RANBP2: variants seen among roughly 807,000 people sequenced by gnomAD.
RANBP2 encodes RAN binding protein 2.
A neutral mutation model predicts 303.6 loss-of-function variants in RANBP2; 57 were observed. That is an observed-to-expected ratio of 0.19 (90% CI 0.15 to 0.23). The LOEUF is 0.23. RANBP2 is among the 10% of genes least tolerant of loss of function. The probability of loss-of-function intolerance (pLI) is 1.00; values close to 1 mark genes in which losing one functional copy is unlikely to be tolerated. For synonymous variants in RANBP2, 1,167 were observed against 1,301.5 expected, an observed-to-expected ratio of 0.90 and a Z score of 2.23; for missense variants, 3,138 against 3,780.8, an observed-to-expected ratio of 0.83 and a Z score of 4.46.
At chr2:109,612,421 T>C in the RANBP2 span, among the ~76,000 whole-genome samples, 1 of 152,210 alleles carries the variant, frequency 6.6e-6, no homozygotes. Context: ...GGTTGTGATA[T>C]CGTACTATGG....
At chr2:109,029,431 C>A in the RANBP2 span, among the ~76,000 whole-genome samples, 1 of 152,182 alleles carries the variant, frequency 6.6e-6, no homozygotes, top group African/African-American at 2.4e-5. Context: ...GGTGGGAAAC[C>A]ATGATGTGGC....
chr2:109,257,130 C>T, the RANBP2 span, among the ~76,000 whole-genome samples: 1 of 152,206 alleles, frequency 6.6e-6, no homozygotes, highest in Non-Finnish European at 1.5e-5. Flanking sequence ...CTCATGTCCA[C>T]TCTGCAGCCG....
At chr2:108,892,208 CA>C in the RANBP2 span, among the ~76,000 whole-genome samples, 3 of 152,296 alleles carry the variant, frequency 2.0e-5, no homozygotes. Flanking sequence ...GTCCTTCCCA[CA>C]GTCCCAGTGG....
the RANBP2 span, chr2:109,614,132 C>T: frequency 5.0e-6 from 6 of 1,204,866 alleles, no homozygotes; most frequent in Non-Finnish European, 6.2e-6. Context: ...AGAGCTGGGA[C>T]TCCAGGAAGA....
At chr2:109,595,732 G>A in the RANBP2 span, among the ~76,000 whole-genome samples, 3 of 152,194 alleles carry the variant, frequency 2.0e-5, no homozygotes, top group African/African-American at 2.4e-5. Flanking sequence ...AGGAAAAAAC[G>A]AACAGATTAG....
chr2:108,791,253 G>A, the RANBP2 span, among the ~76,000 whole-genome samples: 9 of 152,148 alleles, frequency 5.9e-5, 1 homozygote, highest in South Asian at 1.9e-3. Context: ...TCTTTTTGGA[G>A]ACAACACCTG....
chr2:109,298,085 C>T, the RANBP2 span, among the ~76,000 whole-genome samples: 1 of 152,144 alleles, frequency 6.6e-6, no homozygotes, highest in Non-Finnish European at 1.5e-5. Context: ...GGGATCTGTC[C>T]CACTCAAACC....
chr2:109,226,364 T>C, the RANBP2 span, among the ~76,000 whole-genome samples: 1 of 152,162 alleles, frequency 6.6e-6, no homozygotes, highest in Admixed American at 6.5e-5. Flanking sequence ...CTCAGGAAGG[T>C]CAGCTGTTTC....
chr2:108,793,355 CAAA>C, the RANBP2 span, among the ~76,000 whole-genome samples: 40 of 151,780 alleles, frequency 2.6e-4, no homozygotes, highest in African/African-American at 9.4e-4. Context: ...AAAACAACAA[CAAA>C]AAAACACTGA....
chr2:109,256,859 C>T, the RANBP2 span, among the ~76,000 whole-genome samples: 7 of 152,248 alleles, frequency 4.6e-5, no homozygotes, highest in South Asian at 1.5e-3. Context: ...CTTCCATTGT[C>T]CCGGAGACTA....
At chr2:109,014,645 T>C in the RANBP2 span, among the ~76,000 whole-genome samples, 1,206 of 152,336 alleles carry the variant, frequency 7.9e-3, 19 homozygotes, top group African/African-American at 0.027. Context: ...TTCCCATGCC[T>C]GGAGCCTGTG....
chr2:109,595,746 C>T, the RANBP2 span, among the ~76,000 whole-genome samples: 1 of 152,158 alleles, frequency 6.6e-6, no homozygotes, highest in African/African-American at 2.4e-5. Context: ...AGATTAGAGA[C>T]AATACCTGAG....
chr2:109,472,463 G>A, the RANBP2 span, among the ~76,000 whole-genome samples: 1 of 152,308 alleles, frequency 6.6e-6, no homozygotes, highest in East Asian at 1.9e-4. Context: ...TTCCCGTCAG[G>A]GCTTGGCAAG....
At chr2:109,133,893 G>T in the RANBP2 span, among the ~76,000 whole-genome samples, 12 of 152,174 alleles carry the variant, frequency 7.9e-5, no homozygotes, top group Admixed American at 2.0e-4. Context: ...GCCCAGCCTT[G>T]CCAGGCTGTA....
the RANBP2 span, among the ~76,000 whole-genome samples, chr2:109,405,151 T>G: frequency 0.12 from 17,546 of 151,996 alleles, 1,334 homozygotes; most frequent in East Asian, 0.31. Flanking sequence ...GCACCTCTTT[T>G]AAACTACAGA....
the RANBP2 span, among the ~76,000 whole-genome samples, chr2:109,032,051 C>T: frequency 6.6e-6 from 1 of 152,112 alleles, no homozygotes; most frequent in African/African-American, 2.4e-5. Context: ...GTAAACAGAA[C>T]TCTGCAGTTA....
the RANBP2 span, among the ~76,000 whole-genome samples, chr2:109,653,615 C>G: frequency 6.6e-6 from 1 of 152,166 alleles, no homozygotes; most frequent in South Asian, 2.1e-4. Flanking sequence ...AAGCATTTCT[C>G]AAAGCCTTTG....
At chr2:108,834,356 G>A in the RANBP2 span, among the ~76,000 whole-genome samples, 1 of 151,824 alleles carries the variant, frequency 6.6e-6, no homozygotes, top group Non-Finnish European at 1.5e-5. Flanking sequence ...GGGATTGCAG[G>A]TGCCCACCAC....
the RANBP2 span, chr2:108,847,006 C>G: frequency 1.2e-6 from 1 of 813,846 alleles, no homozygotes; most frequent in East Asian, 2.5e-5. Context: ...ATTCTTTTAT[C>G]AAATATGTTG....
Sources: allele counts gnomAD v4.1 joint callset (sites outside exome capture counted in the v4.1 genomes callset), GRCh38; gene constraint gnomAD v4.1.1; transcripts MANE v1.5; gene names NCBI Gene and HGNC (gene_info 2026-07-23, HGNC 2026-07-21).